Variants in HSPA4 observed in about 807,000 individuals in gnomAD.
HSPA4 encodes the protein heat shock protein family A (Hsp70) member 4.
Under a neutral mutation model 106.2 loss-of-function variants are expected in HSPA4, and 25 were observed. That is an observed-to-expected ratio of 0.24 (90% confidence interval 0.17 to 0.33). The LOEUF is 0.33. Ranked by LOEUF, HSPA4 falls within the 10% of genes least tolerant of loss-of-function variation. The probability of loss-of-function intolerance (pLI) is 1.00; values close to 1 mark genes in which losing one functional copy is unlikely to be tolerated. For missense variants in HSPA4, 841 were observed against 996.0 expected (o/e 0.84, Z 2.10); for synonymous variants, 332 against 333.6 (o/e 1.00, Z 0.05).
In HSPA4 at chr5:133,059,979, C is replaced by T. The variant is rs572259473; in HGVS notation, c.108-5001C>T. On this transcript the variant is annotated intron_variant, in intron 1 of 18. Transcript: ENST00000304858. ...TTAAATATTCTTGTCTTGCTTATTC[C>T]GTGTCAAAATCCTCAATAATTCAGC... Among the ~76,000 whole-genome samples, 4 of 151,932 alleles carry T rather than the reference C, an allele frequency of 2.6e-5. No individual in the cohort carries two copies. In the South Asian group the frequency reaches 6.2e-4, roughly 24 times the overall value.
At chr5:133,063,436 TG>T (rs1234212911) in intron 1 of HSPA4, among the ~76,000 whole-genome samples, 1 of 152,086 alleles carries the variant, frequency 6.6e-6, no homozygotes, top group African/African-American at 2.4e-5. Flanking sequence ...CTCTTTTTTT[TG>T]TTTTGTTTTT....
At chr5:133,082,191 C>T (rs1765521278) in intron 7 of HSPA4, among the ~76,000 whole-genome samples, 1 of 152,132 alleles carries the variant, frequency 6.6e-6, no homozygotes, top group Non-Finnish European at 1.5e-5. Flanking sequence ...TTGTATGATT[C>T]TATTTATATG....
intron 7 of HSPA4, among the ~76,000 whole-genome samples, chr5:133,078,427 G>T (rs1013472496): frequency 1.4e-4 from 21 of 151,778 alleles, no homozygotes; most frequent in African/African-American, 4.4e-4. Context: ...TTGAGGTTAG[G>T]AGTTAGAGAC....
At chr5:133,078,586 G>C (rs1765474658) in intron 7 of HSPA4, among the ~76,000 whole-genome samples, 2 of 137,518 alleles carry the variant, frequency 1.5e-5, no homozygotes, top group Admixed American at 1.6e-4. Flanking sequence ...AGTGAGCTGA[G>C]ATCGTGCCAC....
chr5:133,063,460 C>T (rs1765270139), intron 1 of HSPA4, among the ~76,000 whole-genome samples: 2 of 151,624 alleles, frequency 1.3e-5, no homozygotes, highest in South Asian at 2.1e-4. Context: ...GACGGAGTCT[C>T]GCTGTTGTTG....
chr5:133,055,307 A>ATTT lies in HSPA4; in HGVS notation c.107+2979_107+2981dup, dbSNP rs397999293. Among the ~76,000 whole-genome samples the ATTT allele has an allele frequency of 8.2e-3, 494 of 60,106 alleles. 56 individuals are homozygous for ATTT. Among genetic ancestry groups the ATTT allele is most frequent in the Non-Finnish European group, 0.01 (325 of 32,050 alleles). 39.4% of individuals were successfully genotyped at this position (60,106 alleles called of 152,430 possible). A position where few individuals can be genotyped will look rare whatever the true frequency, so the allele number is the denominator to read the frequency against. On this transcript the variant is annotated intron_variant, in intron 1 of 18. Coordinates refer to ENST00000304858, the MANE Select transcript of HSPA4 (RefSeq NM_002154.4). The stretch of plus-strand genomic sequence containing the variant: ...ATAGAAAATGGTAGCAGGAAGGTTG[A>ATTT]TTTTTTTTTTTTTTTTTTTTTTTTT...
At chr5:133,103,294 C>T (rs977132085) in intron 17 of HSPA4, among the ~76,000 whole-genome samples, 5 of 151,698 alleles carry the variant, frequency 3.3e-5, no homozygotes, top group African/African-American at 7.3e-5. Context: ...TGAGCTTAAG[C>T]GATCCTCCTG....
rs1316239808 is a variant in HSPA4, at chr5:133,103,942, G to A, written c.2235G>A (p.Met745Ile). 2 of 1,613,976 alleles carry A rather than the reference G, an allele frequency of 1.2e-6. No individual in the cohort carries two copies. The highest frequency in any genetic ancestry group is 1.7e-6 in the Non-Finnish European group (2 of 1,179,898). Reference sequence around the variant, plus strand: ...GCACAAATGAAGCAATGGAGTGGATGAATAACAAGCTAAATCTGCAGAACA... The same window carrying A: ...GCACAAATGAAGCAATGGAGTGGATAAATAACAAGCTAAATCTGCAGAACA... ...EKSTNEAMEW[M>I]NNKLNLQNKQ... Residue 745 changes from methionine to isoleucine, a missense_variant, in exon 18 of 19, where the codon ATG (methionine) becomes ATA (isoleucine). Physicochemically the swap from Met to Ile is conservative, Grantham distance 10. Coordinates refer to ENST00000304858, the MANE Select transcript of HSPA4 (RefSeq NM_002154.4).
intron 11 of HSPA4, 57 bp from the exon 12 acceptor site, chr5:133,091,136 C>T: frequency 1.5e-6 from 2 of 1,365,624 alleles, no homozygotes; most frequent in Non-Finnish European, 2.1e-6. Flanking sequence ...GGCATATATT[C>T]ATGCTTGAAT....
At chr5:133,054,473 G>C (rs1177666417) in intron 1 of HSPA4, among the ~76,000 whole-genome samples, 1 of 152,100 alleles carries the variant, frequency 6.6e-6, no homozygotes, top group Non-Finnish European at 1.5e-5. Flanking sequence ...CAAAGTGCTG[G>C]GTTTACAGGA....
At chr5:133,073,921 T>A in intron 5 of HSPA4, 72 bp from the exon 6 acceptor site, 4 of 1,101,286 alleles carry the variant, frequency 3.6e-6, no homozygotes, top group Non-Finnish European at 5.0e-6. Context: ...ATATAAAACC[T>A]CTTTTTTCCT....
At position 133,096,836 on chromosome 5, in the gene HSPA4, AT is replaced by A. The variant is rs553088833; in HGVS notation, c.1804-324del. Among the ~76,000 whole-genome samples the A allele has an allele frequency of 2.1e-4, 32 of 152,318 alleles. No individual in the cohort carries two copies. In the South Asian group the frequency reaches 3.9e-3, roughly 19 times the overall value. On this transcript the variant is annotated intron_variant, in intron 14 of 18. Coordinates refer to ENST00000304858, the MANE Select transcript of HSPA4 (RefSeq NM_002154.4). ...TGCGTGAATGAATTTGATTTTTCTTATCTCATATTAATACAGCAGAGGATAT... is the reference window on the plus strand; with the variant it reads ...TGCGTGAATGAATTTGATTTTTCTTACTCATATTAATACAGCAGAGGATAT...
At chr5:133,067,995 C>T (rs557381831) in intron 3 of HSPA4, among the ~76,000 whole-genome samples, 16 of 151,290 alleles carry the variant, frequency 1.1e-4, no homozygotes, top group East Asian at 3.9e-4. Context: ...TGGGTTCCAG[C>T]GATTCTCCTG....
chr5:133,099,644 G>A lies in HSPA4; in HGVS notation c.2029G>A (p.Glu677Lys), dbSNP rs1765760901. ...PKQVYVDKLA[E>K]LKNLGQPIKI... ...GCAAGTTTATGTTGATAAGTTGGCT[G>A]AATTAAAAGTAAGTGACTCTTGAGA... The change falls in exon 16 of 19, where the codon GAA (glutamate) becomes AAA (lysine). Residue 677 changes from glutamate (E) to lysine (K), a missense_variant. Glu to Lys is a moderately conservative substitution (Grantham distance 56, BLOSUM62 1). Around this residue, in one of 5 missense-constraint regions of HSPA4, gnomAD observed 328 missense variants for 372.2 expected, o/e 0.88. Transcript: ENST00000304858. 2 of 1,576,204 alleles carry A rather than the reference G, an allele frequency of 1.3e-6. No individual in the cohort carries two copies. Among genetic ancestry groups the A allele is most frequent in the Non-Finnish European group, 1.7e-6 (2 of 1,147,924 alleles).
chr5:133,063,149 TGCAATA>T (rs1226360033), intron 1 of HSPA4, among the ~76,000 whole-genome samples: 3 of 152,088 alleles, frequency 2.0e-5, no homozygotes, highest in Admixed American at 2.0e-4. Context: ...CAGGCTGGAG[TGCAATA>T]GCATGATCAC....
At chr5:133,086,665 T>C in intron 7 of HSPA4, 117 bp from the exon 8 acceptor site, 1 of 693,566 alleles carries the variant, frequency 1.4e-6, no homozygotes. Flanking sequence ...GGATCCACTG[T>C]CTCCACATTT....
intron 2 of HSPA4, 37 bp from the exon 3 acceptor site, chr5:133,067,380 T>G: frequency 6.5e-7 from 1 of 1,541,462 alleles, no homozygotes; most frequent in Non-Finnish European, 8.8e-7. Flanking sequence ...AAAAAATTAG[T>G]AGTAGTCTTT....
chr5:133,083,978 G>T (rs1262911170), intron 7 of HSPA4, among the ~76,000 whole-genome samples: 1 of 151,994 alleles, frequency 6.6e-6, no homozygotes, highest in Non-Finnish European at 1.5e-5. Context: ...ATTGTTTTTT[G>T]GATATATTTT....
chr5:133,060,687 G>T (rs1765230271), intron 1 of HSPA4, among the ~76,000 whole-genome samples: 2 of 151,864 alleles, frequency 1.3e-5, no homozygotes, highest in Admixed American at 1.3e-4. Context: ...ACCCAATTCA[G>T]CAAATTGATC....
Sources: allele counts gnomAD v4.1 joint callset (sites outside exome capture counted in the v4.1 genomes callset), GRCh38; gene constraint gnomAD v4.1.1; regional missense constraint gnomAD v4.1.1; transcripts MANE v1.5; gene names NCBI Gene and HGNC (gene_info 2026-07-23, HGNC 2026-07-21).